Variants in SLC39A11 observed in about 807,000 individuals in gnomAD.
SLC39A11 encodes solute carrier family 39 member 11.
A neutral mutation model predicts 36.1 loss-of-function variants in SLC39A11; 33 were observed. That is an observed-to-expected ratio of 0.91 (90% confidence interval 0.69 to 1.22). SLC39A11 has a LOEUF of 1.22. SLC39A11 is among the 50% of genes most tolerant of loss of function. The probability of loss-of-function intolerance (pLI) is 0.00; values close to 1 mark genes in which losing one functional copy is unlikely to be tolerated. For missense variants in SLC39A11, 432 were observed against 430.3 expected (o/e 1.00, Z -0.03); for synonymous variants, 166 against 170.3 (o/e 0.97, Z 0.20).
intron 3 of SLC39A11, among the ~76,000 whole-genome samples, chr17:73,046,611 G>A (rs1255483151): frequency 6.6e-6 from 1 of 151,972 alleles, no homozygotes; most frequent in Non-Finnish European, 1.5e-5. Flanking sequence ...AGTAATTATC[G>A]TCATCTTCTC....
Position 72,740,542 on chromosome 17 carries a change from T to C in SLC39A11, c.602-3823A>G, listed in dbSNP as rs115869775. On this transcript the variant is annotated intron_variant, in intron 6 of 9. Coordinates refer to ENST00000255559, the MANE Select transcript of SLC39A11 (RefSeq NM_139177.4). ...TATGGTACATATCAAGCAAGTTCAT[T>C]TTTTCTTATAACGTCATGACTTTTT... is the stretch of plus-strand genomic sequence containing the variant. Among the ~76,000 whole-genome samples the C allele has an allele frequency of 8.3e-3, 1,261 of 152,268 alleles. 18 individuals are homozygous for C. The highest frequency in any genetic ancestry group is 0.029 in the African/African-American group (1,218 of 41,544).
chr17:72,656,272 A>G (rs1441045638), intron 7 of SLC39A11, among the ~76,000 whole-genome samples: 5 of 152,090 alleles, frequency 3.3e-5, no homozygotes, highest in Non-Finnish European at 5.9e-5. Context: ...CACTATTACT[A>G]GTCTGGACCA....
At chr17:72,670,042 A>C (rs1015671424) in intron 7 of SLC39A11, among the ~76,000 whole-genome samples, 1 of 147,152 alleles carries the variant, frequency 6.8e-6, no homozygotes, top group African/African-American at 2.5e-5. Flanking sequence ...ACACATATAT[A>C]TACGTATAGA....
At chr17:73,041,157 G>A (rs2059102259) in intron 3 of SLC39A11, among the ~76,000 whole-genome samples, 1 of 152,172 alleles carries the variant, frequency 6.6e-6, no homozygotes, top group South Asian at 2.1e-4. Context: ...ACGTTGTAGG[G>A]CTTCTAATTA....
chr17:72,990,142 T>C lies in SLC39A11; in HGVS notation c.306+41414A>G, dbSNP rs573990589. Among the ~76,000 whole-genome samples, 4 of 152,352 alleles carry C rather than the reference T, an allele frequency of 2.6e-5. No individual in the cohort carries two copies. The East Asian group carries it at 7.7e-4, about 29-fold the overall frequency. On this transcript the variant is annotated intron_variant, in intron 4 of 9. Coordinates refer to ENST00000255559, the MANE Select transcript of SLC39A11 (RefSeq NM_139177.4). ...TTAAACAAAAATTGGTGACATGCAC[T>C]ACCCTTAGGTCCTGCTTGGTCTTAC...
At chr17:72,870,029 CTTCT>C (rs970060782) in intron 5 of SLC39A11, among the ~76,000 whole-genome samples, 3 of 151,288 alleles carry the variant, frequency 2.0e-5, no homozygotes, top group Non-Finnish European at 4.4e-5. Context: ...TTTTCTTCTT[CTTCT>C]TTTTTTTTTG....
chr17:72,938,888 C>A (rs1329430443), intron 5 of SLC39A11, among the ~76,000 whole-genome samples: 2 of 152,204 alleles, frequency 1.3e-5, no homozygotes. Flanking sequence ...ATCCCTAACT[C>A]CTCAGTAGAT....
At chr17:72,766,592 C>T (rs758937917) in intron 6 of SLC39A11, among the ~76,000 whole-genome samples, 17 of 152,306 alleles carry the variant, frequency 1.1e-4, no homozygotes, top group Non-Finnish European at 2.1e-4. Context: ...CTCTTTCTCT[C>T]TCCTTTCTGC....
intron 4 of SLC39A11, among the ~76,000 whole-genome samples, chr17:72,953,018 C>T (rs2085975379): frequency 6.6e-6 from 1 of 152,150 alleles, no homozygotes; most frequent in Non-Finnish European, 1.5e-5. Context: ...ACCCCCTCTC[C>T]TTCTCCATTG....
At chr17:72,650,489 C>G (rs2069799352) in intron 7 of SLC39A11, among the ~76,000 whole-genome samples, 1 of 152,180 alleles carries the variant, frequency 6.6e-6, no homozygotes, top group South Asian at 2.1e-4. Flanking sequence ...GAAACAGAGG[C>G]ATGAGGGAAG....
chr17:72,944,178 T>C (rs1351743256), intron 5 of SLC39A11, among the ~76,000 whole-genome samples: 1 of 152,212 alleles, frequency 6.6e-6, no homozygotes, highest in Non-Finnish European at 1.5e-5. Flanking sequence ...TCCCTGCCAG[T>C]TGACTTGACT....
chr17:73,062,475 A>AAAAAAAAAAAAAAAAAAAC (rs56021607), intron 3 of SLC39A11, among the ~76,000 whole-genome samples: 4,784 of 86,576 alleles, frequency 0.055, 1,055 homozygotes, highest in Non-Finnish European at 0.059. Flanking sequence ...AAAAAAAAAA[A>AAAAAAAAAAAAAAAAAAAC]AAACTTTAGG....
intron 6 of SLC39A11, among the ~76,000 whole-genome samples, chr17:72,816,287 A>C (rs1340879663): frequency 6.6e-6 from 1 of 152,228 alleles, no homozygotes; most frequent in Non-Finnish European, 1.5e-5. Flanking sequence ...ATGAACTTCC[A>C]GACACAGCTT....
intron 5 of SLC39A11, among the ~76,000 whole-genome samples, chr17:72,861,657 T>TTTTATATATATATATATATATATA (rs1555605275): frequency 2.0e-5 from 1 of 50,952 alleles, no homozygotes; most frequent in Non-Finnish European, 3.3e-5. Flanking sequence ...ATACAACACA[T>TTTTATATATATATATATATATATA]TATATATATA....
intron 6 of SLC39A11, among the ~76,000 whole-genome samples, chr17:72,768,772 A>T (rs145512152): frequency 0.035 from 5,261 of 151,686 alleles, 287 homozygotes; most frequent in African/African-American, 0.12. Context: ...TATTATTATT[A>T]TTTTTTGAGA....
At chr17:72,769,428 C>T (rs866538404) in intron 6 of SLC39A11, among the ~76,000 whole-genome samples, 24 of 152,130 alleles carry the variant, frequency 1.6e-4, no homozygotes, top group African/African-American at 5.3e-4. Context: ...TGAAAGGAAA[C>T]GGATCTTGGG....
rs1403768200 is a variant in SLC39A11, at chr17:72,647,654, C to T, written c.938G>A (p.Gly313Glu). 1 of 1,613,830 alleles carries T rather than the reference C, an allele frequency of 6.2e-7. No individual in the cohort carries two copies. Among genetic ancestry groups the T allele is most frequent in the East Asian group, 2.2e-5 (1 of 44,868 alleles). The change falls in exon 10 of 10, where the codon GGG becomes GAG. Residue 313 changes from glycine to glutamate, a missense_variant. Gly to Glu is a moderately conservative substitution (Grantham distance 98). Transcript: ENST00000255559. ...GATGGAGGCCCAGGATGCCAGTTTC[C>T]CATTACCACTGGAAGAGAAGGACAG... ...IIPEAQISGN[G>E]KLASWASILG...
intron 7 of SLC39A11, among the ~76,000 whole-genome samples, chr17:72,713,359 C>G (rs1006681190): frequency 6.6e-6 from 1 of 152,118 alleles, no homozygotes; most frequent in Non-Finnish European, 1.5e-5. Context: ...ATAGTGGGCC[C>G]GCATCTTACA....
intron 5 of SLC39A11, among the ~76,000 whole-genome samples, chr17:72,876,297 G>A (rs2080893647): frequency 6.6e-6 from 1 of 152,208 alleles, no homozygotes; most frequent in African/African-American, 2.4e-5. Context: ...ATGGGCAATG[G>A]TCAAATGCTT....
Sources: gnomAD v4.1 joint callset for allele counts (sites outside exome capture counted in the v4.1 genomes callset) on GRCh38, gnomAD v4.1.1 for gene constraint, MANE v1.5 for transcripts, NCBI Gene and HGNC (gene_info 2026-07-23, HGNC 2026-07-21) for gene names.